Variants in PCDHA5 observed in about 807,000 individuals in gnomAD.
PCDHA5 encodes protocadherin alpha-5.
In PCDHA5, 43 loss-of-function variants were observed where a neutral mutation model predicts 61.6. That is an observed-to-expected ratio of 0.70 (90% CI 0.55 to 0.90). The LOEUF (loss-of-function observed/expected upper bound fraction) is 0.90. Ranked by LOEUF, PCDHA5 falls within the 40% of genes least tolerant of loss-of-function variation. PCDHA5 has a pLI of 0.00. For synonymous variants in PCDHA5, 627 were observed against 543.9 expected (o/e 1.15, Z -2.13); for missense variants, 1,298 against 1,222.7 (o/e 1.06, Z -0.92).
At chr5:140,927,342 TGAC>T (rs1554204398) in intron 1 of PCDHA5, 1 of 1,614,160 alleles carries the variant, frequency 6.2e-7, no homozygotes, top group Non-Finnish European at 8.5e-7. Context: ...ATGCCCAAGA[TGAC>T]GACGAGGGAA....
In PCDHA5 at chr5:140,928,350, T is replaced by C. The variant is rs144619371; in HGVS notation, c.2353-50599T>C. The C allele has an allele frequency of 1.3e-5, 21 of 1,614,098 alleles. No homozygotes were observed. The African/African-American group carries it at 2.1e-4, about 16-fold the overall frequency. On this transcript the variant is annotated intron_variant, in intron 1 of 3. Coordinates refer to ENST00000529859, the MANE Select transcript of PCDHA5 (RefSeq NM_018908.3). ...GCCTTGTCTCTTATGAGCTGTTGGA[T>C]GTTATCTCTGAAGGGCCATCAGCCT...
intron 1 of PCDHA5, among the ~76,000 whole-genome samples, chr5:140,917,003 A>C (rs2077823052): frequency 6.6e-6 from 1 of 151,818 alleles, no homozygotes; most frequent in Non-Finnish European, 1.5e-5. Flanking sequence ...CTGTTCCAAA[A>C]TCTCCCTTCA....
intron 1 of PCDHA5, chr5:140,870,294 G>A (rs1554164013): frequency 3.1e-6 from 5 of 1,614,192 alleles, no homozygotes; most frequent in Non-Finnish European, 3.4e-6. Flanking sequence ...TCAAGCTGGT[G>A]TCCACCTTCA....
intron 1 of PCDHA5, chr5:140,841,516 G>T: frequency 6.2e-7 from 1 of 1,612,986 alleles, no homozygotes; most frequent in South Asian, 1.1e-5. Flanking sequence ...GCCTGTTCCG[G>T]GTGGCGTCCA....
chr5:140,849,603 G>A lies in PCDHA5; in HGVS notation c.2352+25476G>A, dbSNP rs2150442213. On this transcript the variant is annotated intron_variant, in intron 1 of 3. Transcript: ENST00000529859. ...GGACGCACAACTGGGGACAGTTATT[G>A]CCCTGATTAGTGTGATCGACCTAGA... The A allele has an allele frequency of 3.8e-5, 60 of 1,598,580 alleles. 9 individuals are homozygous for A. Among genetic ancestry groups the A allele is most frequent in the Non-Finnish European group, 5.1e-5 (59 of 1,167,940 alleles).
At position 140,822,402 on chromosome 5, in the gene PCDHA5, A is replaced by G. The variant is rs2150116110; in HGVS notation, c.627A>G (p.Leu209=). Reference sequence around the variant, plus strand: ...GAGAAGAAACACAAGAACACCGTTTATTAGTGATTGCAACTGATGGAGGAA... The same window carrying G: ...GAGAAGAAACACAAGAACACCGTTTGTTAGTGATTGCAACTGATGGAGGAA... The part of the protein sequence containing the change: ...LDREETQEHR[L]LVIATDGGKP... The change falls in exon 1 of 4, where the codon TTA becomes TTG. Residue 209 remains leucine (L), a synonymous_variant. Transcript: ENST00000529859. 3 of 1,614,150 alleles carry G rather than the reference A, an allele frequency of 1.9e-6. No homozygotes were observed. The highest frequency in any genetic ancestry group is 2.5e-6 in the Non-Finnish European group (3 of 1,180,042).
chr5:140,888,748 T>C (rs782271029), intron 1 of PCDHA5, among the ~76,000 whole-genome samples: 13 of 152,122 alleles, frequency 8.5e-5, no homozygotes, highest in Admixed American at 7.9e-4. Flanking sequence ...GGAATTATTC[T>C]ACCCACTTTT....
chr5:140,927,897 T>C (rs907878286), intron 1 of PCDHA5: 1 of 1,614,086 alleles, frequency 6.2e-7, no homozygotes, highest in African/African-American at 1.3e-5. Context: ...ACGTGAACGA[T>C]CATGCCCCCG....
chr5:140,848,750 T>C, intron 1 of PCDHA5: 1 of 1,593,288 alleles, frequency 6.3e-7, no homozygotes. Context: ...GCATTTTGTT[T>C]GTGAATTCTC....
intron 3 of PCDHA5, among the ~76,000 whole-genome samples, chr5:140,986,226 C>T (rs2097191326): frequency 6.6e-6 from 1 of 152,168 alleles, no homozygotes; most frequent in African/African-American, 2.4e-5. Context: ...TCTCTAGCCT[C>T]CCCTCTGTGT....
chr5:140,961,878 C>A (rs2095639757), intron 1 of PCDHA5, among the ~76,000 whole-genome samples: 1 of 150,888 alleles, frequency 6.6e-6, no homozygotes, highest in Non-Finnish European at 1.5e-5. Context: ...AATTGACTTA[C>A]TTACATCAGT....
At chr5:141,000,389 CTCTCTCTATA>C (rs1363755181) in intron 3 of PCDHA5, among the ~76,000 whole-genome samples, 150 of 62,510 alleles carry the variant, frequency 2.4e-3, no homozygotes, top group African/African-American at 5.3e-3. Context: ...CTCTCTCTCT[CTCTCTCTATA>C]TATATATATA....
chr5:140,999,603 G>C (rs552647484), intron 3 of PCDHA5, among the ~76,000 whole-genome samples: 1 of 152,246 alleles, frequency 6.6e-6, no homozygotes, highest in South Asian at 2.1e-4. Flanking sequence ...TACATCCTGG[G>C]GGACCTTATC....
Position 140,841,941 on chromosome 5 carries a change from C to A in PCDHA5, c.2352+17814C>A, listed in dbSNP as rs2150325943. The A allele has an allele frequency of 6.2e-6, 10 of 1,613,918 alleles. No individual in the cohort carries two copies. In the South Asian group the frequency reaches 7.7e-5, roughly 12 times the overall value. ...TCCTTGGACAGAGAGGACGCTCCTG[C>A]GCACCACTTATTCCTGACAGCCACA... On this transcript the variant is annotated intron_variant, in intron 1 of 3. Coordinates refer to ENST00000529859, the MANE Select transcript of PCDHA5 (RefSeq NM_018908.3).
At chr5:140,871,297 G>T (rs781824958) in intron 1 of PCDHA5, 1 of 1,613,896 alleles carries the variant, frequency 6.2e-7, no homozygotes, top group Non-Finnish European at 8.5e-7. Flanking sequence ...GGGCGCGTGC[G>T]CGCCGGGGAA....
intron 1 of PCDHA5, chr5:140,866,209 TGGA>T (rs371374348): frequency 2.8e-4 from 43 of 152,294 alleles, no homozygotes; most frequent in African/African-American, 7.9e-4. Context: ...AATATCCTTG[TGGA>T]ACACCTAAAC....
chr5:140,878,899 G>A (rs1301967468), intron 1 of PCDHA5, among the ~76,000 whole-genome samples: 2 of 152,152 alleles, frequency 1.3e-5, no homozygotes, highest in African/African-American at 4.8e-5. Flanking sequence ...CTACAGGCAG[G>A]CTCCACCACT....
chr5:140,911,444 C>T (rs13161603), intron 1 of PCDHA5, among the ~76,000 whole-genome samples: 2,752 of 152,248 alleles, frequency 0.018, 47 homozygotes, highest in South Asian at 0.1. Context: ...CCCGCAATTT[C>T]AGCTCTTTCT....
At chr5:141,003,517 T>C (rs538562882) in intron 3 of PCDHA5, among the ~76,000 whole-genome samples, 1 of 152,238 alleles carries the variant, frequency 6.6e-6, no homozygotes, top group East Asian at 1.9e-4. Context: ...TTCACCATGT[T>C]CCCTAGGCTG....
Sources: gnomAD v4.1 joint callset for allele counts (sites outside exome capture counted in the v4.1 genomes callset) on GRCh38, gnomAD v4.1.1 for gene constraint, MANE v1.5 for transcripts, NCBI Gene and HGNC (gene_info 2026-07-23, HGNC 2026-07-21) for gene names.